The following PSIP1 variants were observed in gnomAD, a reference collection of about 807,000 sequenced individuals.
The protein encoded by PSIP1 is PC4 and SRSF1 interacting protein 1.
In PSIP1, 19 loss-of-function variants were observed where a neutral mutation model predicts 74.7. The observed-to-expected ratio is 0.25, with a 90% CI of 0.18 to 0.37. The LOEUF is 0.37. Ranked by LOEUF, PSIP1 falls within the 10% of genes least tolerant of loss-of-function variation. The probability of loss-of-function intolerance (pLI) is 1.00; values close to 1 mark genes in which losing one functional copy is unlikely to be tolerated. For synonymous variants in PSIP1, 222 were observed against 195.3 expected (o/e 1.14, Z -1.14); for missense variants, 601 against 614.3 (o/e 0.98, Z 0.23).
chr9:15,492,160 C>T (rs1407428197), intron 3 of PSIP1: 1 of 152,220 alleles, frequency 6.6e-6, no homozygotes. Flanking sequence ...CTCATTCCAG[C>T]ATTAACTCAA....
At chr9:15,471,732 AG>A in intron 10 of PSIP1, 1 of 965,610 alleles carries the variant, frequency 1.0e-6, no homozygotes, top group Non-Finnish European at 1.2e-6. Flanking sequence ...GTACTTGTCA[AG>A]AAAGACTTTG....
Position 15,489,999 on chromosome 9 carries a change from A to T in PSIP1, c.275T>A (p.Phe92Tyr), listed in dbSNP as rs2036751289. The part of the protein sequence containing the change: ...WEIDNNPKVK[F>Y]SSQQAATKQS... The stretch of plus-strand genomic sequence containing the variant: ...AATATGACTTACCTGTTGACTTGAA[A>T]ATTTCACTTTTGGATTGTTATCTAT... Residue 92 changes from phenylalanine (F) to tyrosine (Y), a missense_variant, in exon 4 of 16, where the codon TTT (phenylalanine) becomes TAT (tyrosine). Physicochemically the swap from Phe to Tyr is conservative, Grantham distance 22 (BLOSUM62 3). Around this residue, in one of 2 missense-constraint regions of PSIP1, gnomAD observed 538 missense variants for 507.6 expected, o/e 1.06. Coordinates refer to ENST00000380733, the MANE Select transcript of PSIP1 (RefSeq NM_033222.5). The T allele has an allele frequency of 1.3e-6, 2 of 1,575,084 alleles. No homozygotes were observed. Among genetic ancestry groups the T allele is most frequent in the African/African-American group, 2.7e-5 (2 of 72,856 alleles).
At chr9:15,468,355 A>G (rs1406479259) in intron 14 of PSIP1, 1 of 646,092 alleles carries the variant, frequency 1.5e-6, no homozygotes, top group Non-Finnish European at 2.9e-6. Flanking sequence ...AGGCATTGTG[A>G]TGGATGGGTT....
At chr9:15,468,123 TAAAA>T (rs34755757) in intron 14 of PSIP1, among the ~76,000 whole-genome samples, 5 of 140,486 alleles carry the variant, frequency 3.6e-5, no homozygotes, top group Non-Finnish European at 3.1e-5. Flanking sequence ...CTCCATCTTT[TAAAA>T]AAAAAAAAAA....
In PSIP1 at chr9:15,465,550, T is replaced by G. The variant is rs750926672; in HGVS notation, c.1563A>C (p.Ile521=). ...KPSSEERETE[I]SLKDSTLDN ...TATCTAGTGTAGAATCCTTCAGAGA[T>G]ATTTCAGTCTCTCTCTCTTCACTGG... The change falls in exon 16 of 16, where the codon ATA becomes ATC. Residue 521 remains isoleucine, a synonymous_variant. Transcript: ENST00000380733. 4 of 1,585,534 alleles carry G rather than the reference T, an allele frequency of 2.5e-6. No homozygotes were observed. Among genetic ancestry groups the G allele is most frequent in the Admixed American group, 1.7e-5 (1 of 58,700 alleles).
chr9:15,507,548 G>T (rs570593768), intron 2 of PSIP1, among the ~76,000 whole-genome samples: 1 of 151,840 alleles, frequency 6.6e-6, no homozygotes, highest in Non-Finnish European at 1.5e-5. Context: ...CTCCAGAGGC[G>T]AATCACTTGA....
intron 6 of PSIP1, among the ~76,000 whole-genome samples, chr9:15,483,123 C>T (rs1182913741): frequency 6.6e-6 from 1 of 152,142 alleles, no homozygotes; most frequent in Non-Finnish European, 1.5e-5. Flanking sequence ...AACCGTTCTC[C>T]TTTGACCTCA....
intron 4 of PSIP1, among the ~76,000 whole-genome samples, chr9:15,488,881 T>C (rs1964791): frequency 0.71 from 107,978 of 151,118 alleles, 41,114 homozygotes; most frequent in Non-Finnish European, 0.84. Context: ...ATTAGCCGGG[T>C]GTGGTGGCGG....
intron 4 of PSIP1, 79 bp downstream of exon 4, chr9:15,489,907 T>A: frequency 8.3e-7 from 1 of 1,207,932 alleles, no homozygotes; most frequent in African/African-American, 1.6e-5. Context: ...GCTTTTAGTA[T>A]TTACTTTCCT....
chr9:15,465,662 T>C (rs1317928397), intron 15 of PSIP1, 82 bp from the exon 16 acceptor site: 5 of 1,189,750 alleles, frequency 4.2e-6, no homozygotes, highest in Non-Finnish European at 6.0e-6. Context: ...CTGCATTATA[T>C]TTTTAAACCC....
chr9:15,465,429 G>T lies in PSIP1; in HGVS notation c.*91C>A. 1 of 1,157,822 alleles carries T rather than the reference G, an allele frequency of 8.6e-7. No homozygotes were observed. The highest frequency in any genetic ancestry group is 1.2e-6 in the Non-Finnish European group (1 of 800,854). 71.7% of individuals were successfully genotyped at this position (1,157,822 alleles called of 1,614,324 possible). On this transcript the variant is annotated 3_prime_UTR_variant, in exon 16 of 16. Transcript: ENST00000380733. Reference sequence around the variant, plus strand: ...AACAAGTTTTCAACATCAAACCTATGCTTATAAAAATTTAAAACTTTCAGC... The same window carrying T: ...AACAAGTTTTCAACATCAAACCTATTCTTATAAAAATTTAAAACTTTCAGC...
At chr9:15,488,344 A>AC (rs1383663531) in intron 4 of PSIP1, among the ~76,000 whole-genome samples, 26 of 151,864 alleles carry the variant, frequency 1.7e-4, no homozygotes, top group South Asian at 4.2e-4. Flanking sequence ...AACAACAACA[A>AC]AAAAAAGAGT....
In PSIP1 at chr9:15,472,139, TAC is replaced by T. The variant is rs2035863112; in HGVS notation, c.977+491_977+492del. ...CTTTGAATTTGATTTATATTGCACA[TAC>T]ATAATAATGTACACCCTGTCAGCCT... On this transcript the variant is annotated intron_variant, in intron 10 of 15. Transcript: ENST00000380733. The T allele has an allele frequency of 5.1e-6, 5 of 984,446 alleles. No individual in the cohort carries two copies. The African/African-American group carries it at 8.7e-5, about 17-fold the overall frequency. The allele number at this position is 984,446 out of a possible 1,614,324, so 61.0% of individuals were successfully genotyped here. A position where few individuals can be genotyped will look rare whatever the true frequency, so the allele number is the denominator to read the frequency against.
At position 15,490,113 on chromosome 9, in the gene PSIP1, C is replaced by T; in HGVS notation, c.161G>A (p.Gly54Glu). 6.3e-7 allele frequency: 1 copy of T among 1,580,190 alleles called. No homozygotes were observed. Among genetic ancestry groups the T allele is most frequent in the Non-Finnish European group, 8.6e-7 (1 of 1,168,940 alleles). Residue 54 changes from glycine to glutamate, a missense_variant, in exon 4 of 16, where the codon GGA becomes GAA. Transcript: ENST00000380733. ...FFGTHETAFL[G>E]PKDIFPYSEN... ...TGAGTAAGGAAATATATCCTTTGGT[C>T]CTAAAAAAGCACTAAAAAAGAAGTG... is the stretch of plus-strand genomic sequence containing the variant.
At chr9:15,497,923 A>T (rs2037160948) in intron 3 of PSIP1, among the ~76,000 whole-genome samples, 1 of 152,180 alleles carries the variant, frequency 6.6e-6, no homozygotes, top group Non-Finnish European at 1.5e-5. Flanking sequence ...AACTTACTCA[A>T]AAGTAGACCT....
Position 15,490,766 on chromosome 9 carries a change from A to G in PSIP1, c.150-642T>C, listed in dbSNP as rs543752825. ...AAACTTTGACACATTAGCATTAATC[A>G]ACACATTTAACTGCACCCCAAATAT... is the stretch of plus-strand genomic sequence containing the variant. On this transcript the variant is annotated intron_variant, in intron 3 of 15. Transcript: ENST00000380733. Among the ~76,000 whole-genome samples the G allele has an allele frequency of 3.9e-5, 6 of 152,192 alleles. No homozygotes were observed. In the East Asian group the frequency reaches 1.2e-3, roughly 29 times the overall value.
chr9:15,491,313 CA>C (rs2036820790), intron 3 of PSIP1, among the ~76,000 whole-genome samples: 1 of 152,074 alleles, frequency 6.6e-6, no homozygotes, highest in Admixed American at 6.6e-5. Context: ...AAACAGACTG[CA>C]AAAAAGATAC....
intron 4 of PSIP1, among the ~76,000 whole-genome samples, chr9:15,488,474 T>A (rs1489746850): frequency 6.6e-6 from 1 of 152,214 alleles, no homozygotes; most frequent in Non-Finnish European, 1.5e-5. Context: ...AGAGAAACTG[T>A]CCCAATTATC....
chr9:15,506,042 A>G (rs898890860), intron 3 of PSIP1: 3 of 152,164 alleles, frequency 2.0e-5, no homozygotes, highest in Admixed American at 2.0e-4. Flanking sequence ...ACATACGTCA[A>G]CATTCAGCTG....
Sources: gnomAD v4.1 joint callset for allele counts (sites outside exome capture counted in the v4.1 genomes callset) on GRCh38, gnomAD v4.1.1 for gene constraint, gnomAD v4.1.1 regional missense constraint, MANE v1.5 for transcripts, NCBI Gene and HGNC (gene_info 2026-07-23, HGNC 2026-07-21) for gene names.